Variants in NKD1 observed in about 807,000 individuals in gnomAD.
NKD1 encodes protein naked cuticle homolog 1.
A neutral mutation model predicts 56.0 loss-of-function variants in NKD1; 21 were observed. The ratio of observed to expected loss-of-function variants is 0.38; its 90% CI spans 0.27 to 0.54. The LOEUF (loss-of-function observed/expected upper bound fraction) is 0.54. NKD1 is among the 20% of genes least tolerant of loss of function. NKD1 has a pLI of 0.82. For missense variants in NKD1, 578 were observed against 642.7 expected (o/e 0.90, Z 1.09); for synonymous variants, 263 against 265.7 (o/e 0.99, Z 0.10).
In NKD1 at chr16:50,635,089, T is replaced by C. The variant is rs1041944765; in HGVS notation, c.*1308T>C. 6 of 152,218 alleles carry C rather than the reference T, an allele frequency of 3.9e-5. No individual in the cohort carries two copies. The highest frequency in any genetic ancestry group is 1.4e-4 in the African/African-American group (6 of 41,446). 9.4% of individuals were successfully genotyped at this position (152,218 alleles called of 1,614,324 possible). A position where few individuals can be genotyped will look rare whatever the true frequency, so the allele number is the denominator to read the frequency against. On this transcript the variant is annotated 3_prime_UTR_variant, in exon 10 of 10. Transcript: ENST00000268459. The surrounding 1 kb of genome is among the most constrained non-coding windows in gnomAD (Gnocchi z 4.1). The stretch of plus-strand genomic sequence containing the variant: ...AGCAGAGCTTAATAAAGGCAGTATT[T>C]ACAAAGTGTGGGCTAAGCCTCCCAT...
rs1286564573 is a variant in NKD1 at position 50,640,094 on chromosome 16, C to T, written c.*6313C>T. 1.3e-5 allele frequency: 2 copies of T among 152,258 alleles called. No individual in the cohort carries two copies. Among genetic ancestry groups the T allele is most frequent in the Non-Finnish European group, 2.9e-5 (2 of 68,098 alleles). 9.4% of individuals were successfully genotyped at this position (152,258 alleles called of 1,614,324 possible). A position where few individuals can be genotyped will look rare whatever the true frequency, so the allele number is the denominator to read the frequency against. ...ACCCTTCAGAGAGCTCTTCCCCAGC[C>T]TCTACATCAGGGAGAGAGGTAGGTA... On this transcript the variant is annotated 3_prime_UTR_variant, in exon 10 of 10. Coordinates refer to ENST00000268459, the MANE Select transcript of NKD1 (RefSeq NM_033119.5).
chr16:50,558,633 G>C (rs1358886247), intron 3 of NKD1: 1 of 151,204 alleles, frequency 6.6e-6, no homozygotes, highest in African/African-American at 2.4e-5. Flanking sequence ...CGAGGTTGGT[G>C]GAGGCCGAGG....
At chr16:50,614,062 A>G (rs1446783719) in intron 4 of NKD1, among the ~76,000 whole-genome samples, 1 of 152,082 alleles carries the variant, frequency 6.6e-6, no homozygotes, top group Non-Finnish European at 1.5e-5. Context: ...GATGGTGGAG[A>G]AGAAGTCCCT....
chr16:50,609,537 G>T (rs1013281046), intron 4 of NKD1, among the ~76,000 whole-genome samples: 1 of 152,186 alleles, frequency 6.6e-6, no homozygotes, highest in Non-Finnish European at 1.5e-5. Flanking sequence ...GCCACAAGAG[G>T]AGAGCAGACA....
rs1376619570 is a variant in NKD1, at chr16:50,639,623, C to A, written c.*5842C>A. 6.6e-6 allele frequency: 1 copy of A among 152,206 alleles called. No individual in the cohort carries two copies. The highest frequency in any genetic ancestry group is 1.5e-5 in the Non-Finnish European group (1 of 68,048). 9.4% of individuals were successfully genotyped at this position (152,206 alleles called of 1,614,324 possible). ...ATGCTGCAGCAGAGGATGAGGCTGG[C>A]GGATTTAGTAAGAGCCCTCTGTGTT... is the stretch of plus-strand genomic sequence containing the variant. On this transcript the variant is annotated 3_prime_UTR_variant, in exon 10 of 10. Coordinates refer to ENST00000268459, the MANE Select transcript of NKD1 (RefSeq NM_033119.5).
intron 3 of NKD1, among the ~76,000 whole-genome samples, chr16:50,562,045 T>A (rs1247178203): frequency 1.3e-5 from 2 of 152,180 alleles, no homozygotes; most frequent in Non-Finnish European, 2.9e-5. Flanking sequence ...AGCACATACT[T>A]ACAAGAACAT....
intron 3 of NKD1, among the ~76,000 whole-genome samples, chr16:50,582,125 A>G (rs1961129312): frequency 6.6e-6 from 1 of 152,184 alleles, no homozygotes. Context: ...TGTTTCTGAG[A>G]AGGCCAGAGT....
At position 50,646,643 on chromosome 16, in the gene NKD1, C is replaced by T. The variant is rs1042852923; in HGVS notation, c.*12862C>T. On this transcript the variant is annotated 3_prime_UTR_variant, in exon 10 of 10. Coordinates refer to ENST00000268459, the MANE Select transcript of NKD1 (RefSeq NM_033119.5). ...CCTCTAGGAGCCTTAATGGGGAAAA[C>T]AAGAACACTGTCACTCGTAATGGGC... is the stretch of plus-strand genomic sequence containing the variant. 5 of 152,248 alleles carry T rather than the reference C, an allele frequency of 3.3e-5. No homozygotes were observed. The highest frequency in any genetic ancestry group is 2.6e-4 in the Admixed American group (4 of 15,276). The allele number at this position is 152,248 out of a possible 1,614,324, so 9.4% of individuals were successfully genotyped here.
intron 3 of NKD1, chr16:50,556,824 T>C (rs1435592116): frequency 6.6e-6 from 1 of 151,862 alleles, no homozygotes; most frequent in East Asian, 1.9e-4. Flanking sequence ...TCCTCCTGCC[T>C]TGGCCTCCCA....
At chr16:50,563,957 C>T (rs1960700955) in intron 3 of NKD1, among the ~76,000 whole-genome samples, 1 of 146,644 alleles carries the variant, frequency 6.8e-6, no homozygotes, top group African/African-American at 2.5e-5. Flanking sequence ...TCAGTGGGCA[C>T]AGCCCTGGAT....
chr16:50,552,775 A>G (rs1302662228), intron 3 of NKD1, among the ~76,000 whole-genome samples: 1 of 152,262 alleles, frequency 6.6e-6, no homozygotes, highest in African/African-American at 2.4e-5. Flanking sequence ...CACTGAAGAC[A>G]TTTGTAGGGT....
At chr16:50,592,196 A>G (rs111889717) in intron 3 of NKD1, among the ~76,000 whole-genome samples, 28 of 152,318 alleles carry the variant, frequency 1.8e-4, no homozygotes, top group African/African-American at 5.3e-4. Context: ...CCTTGGATCA[A>G]TGAAAGCTGT....
chr16:50,574,086 G>A, intron 3 of NKD1: 1 of 799,460 alleles, frequency 1.3e-6, no homozygotes, highest in African/African-American at 1.9e-5. Flanking sequence ...GTAAAACTGA[G>A]GCTCCAAGTG....
In NKD1 at chr16:50,633,230, C is replaced by T. The variant is rs370527079; in HGVS notation, c.862C>T (p.Arg288Cys). 240 of 1,612,242 alleles carry T rather than the reference C, an allele frequency of 1.5e-4. No homozygotes were observed. The highest frequency in any genetic ancestry group is 1.7e-4 in the Non-Finnish European group (204 of 1,178,956). ...SVAQKSELPP[R>C]TSNPTRSRSH... ...GGCCCAGAAGTCAGAACTGCCCCCCCGCACCTCCAATCCCACTCGATCTCG... is the reference window on the plus strand; with the variant it reads ...GGCCCAGAAGTCAGAACTGCCCCCCTGCACCTCCAATCCCACTCGATCTCG... Residue 288 changes from arginine to cysteine, a missense_variant, in exon 10 of 10, where the codon CGC becomes TGC. Physicochemically the swap from Arg to Cys is radical, Grantham distance 180. Coordinates refer to ENST00000268459, the MANE Select transcript of NKD1 (RefSeq NM_033119.5). The surrounding 1 kb of genome is among the most constrained non-coding windows in gnomAD (Gnocchi z 4.9).
At chr16:50,558,504 G>A (rs1960551142) in intron 3 of NKD1, 1 of 152,246 alleles carries the variant, frequency 6.6e-6, no homozygotes, top group Non-Finnish European at 1.5e-5. Context: ...AAGGCAGAGA[G>A]TGCAGGCCAA....
chr16:50,626,825 C>T (rs760235448), intron 6 of NKD1, among the ~76,000 whole-genome samples: 24 of 152,188 alleles, frequency 1.6e-4, no homozygotes, highest in Non-Finnish European at 2.1e-4. Flanking sequence ...CATGCACCTG[C>T]GCGGCGGTCG....
chr16:50,636,402 CA>C lies in NKD1; in HGVS notation c.*2622del, dbSNP rs1253540920. The C allele has an allele frequency of 4.6e-5, 7 of 152,176 alleles. No individual in the cohort carries two copies. Among genetic ancestry groups the C allele is most frequent in the Non-Finnish European group, 1.0e-4 (7 of 68,024 alleles). 9.4% of individuals were successfully genotyped at this position (152,176 alleles called of 1,614,324 possible). ...CATTATTTAAAAAAATAGTAATGTG[CA>C]CATGTAAAAGATTCAAATAGTATAT... is the stretch of plus-strand genomic sequence containing the variant. On this transcript the variant is annotated 3_prime_UTR_variant, in exon 10 of 10. Transcript: ENST00000268459.
rs1047242591 is a variant in NKD1, at chr16:50,642,091, G to A, written c.*8310G>A. 2.0e-4 allele frequency: 31 copies of A among 152,250 alleles called. No homozygotes were observed. Among genetic ancestry groups the A allele is most frequent in the African/African-American group, 7.5e-4 (31 of 41,464 alleles). The allele number at this position is 152,250 out of a possible 1,614,324, so 9.4% of individuals were successfully genotyped here. On this transcript the variant is annotated 3_prime_UTR_variant, in exon 10 of 10. Transcript: ENST00000268459. ...GAGATTTAAGCAAAGCAAGAAATGG[G>A]AAAGGAGTTTGTTACATATCAGGCT...
In NKD1 at chr16:50,608,323, G is replaced by A. The variant is rs766763200; in HGVS notation, c.222G>A (p.Thr74=). The part of the protein sequence containing the change: ...RELVGDVLRD[T]LSEEEEDDFR... ...TCGTGGGCGACGTGTTGAGAGACACGCTCAGCGAGGAAGAGGAGGACGACT... is the reference window on the plus strand; with the variant it reads ...TCGTGGGCGACGTGTTGAGAGACACACTCAGCGAGGAAGAGGAGGACGACT... The change falls in exon 4 of 10, where the codon ACG becomes ACA. Residue 74 remains threonine, a synonymous_variant. Coordinates refer to ENST00000268459, the MANE Select transcript of NKD1 (RefSeq NM_033119.5). 3.3e-5 allele frequency: 53 copies of A among 1,613,316 alleles called. No individual in the cohort carries two copies. Among genetic ancestry groups the A allele is most frequent in the Non-Finnish European group, 4.1e-5 (48 of 1,179,688 alleles).
Sources: gnomAD v4.1 joint callset for allele counts (sites outside exome capture counted in the v4.1 genomes callset) on GRCh38, gnomAD v4.1.1 for gene constraint, Gnocchi (gnomAD v3.1) non-coding constraint, MANE v1.5 for transcripts, NCBI Gene and HGNC (gene_info 2026-07-23, HGNC 2026-07-21) for gene names.